The following TPM2 variants were observed in gnomAD, a reference collection of about 807,000 sequenced individuals.
TPM2 encodes the protein tropomyosin beta chain.
A neutral mutation model predicts 41.0 loss-of-function variants in TPM2; 26 were observed. The observed-to-expected ratio is 0.63, with a 90% confidence interval of 0.46 to 0.88. The LOEUF (loss-of-function observed/expected upper bound fraction) is 0.88, where lower values mean the gene tolerates loss of function less well. TPM2 is among the 40% of genes least tolerant of loss of function. The pLI is 0.00. For synonymous variants in TPM2, 143 were observed against 139.3 expected (o/e 1.03, Z -0.19); for missense variants, 187 against 355.2 (o/e 0.53, Z 3.81).
chr9:35,689,187 C>A lies in TPM2; in HGVS notation c.199G>T (p.Ala67Ser). 1 of 1,614,204 alleles carries A rather than the reference C, an allele frequency of 6.2e-7. No homozygotes were observed. The highest frequency in any genetic ancestry group is 8.5e-7 in the Non-Finnish European group (1 of 1,180,042). ...TCGGCCTGCTCCAGTTTCTCCTGGG[C>A]CTCCTTCACGGATTCAGAATACTTT... is the stretch of plus-strand genomic sequence containing the variant. ...VEKYSESVKE[A>S]QEKLEQAEKK... is the part of the protein sequence containing the mutation. The change falls in exon 2 of 9, where the codon GCC becomes TCC. Residue 67 changes from alanine (A) to serine (S), a missense_variant. By Grantham distance (99) the Ala-to-Ser change is moderately conservative. Transcript: ENST00000645482.
chr9:35,682,297 C>G, downstream of TPM2: 1 of 1,075,618 alleles, frequency 9.3e-7, no homozygotes, highest in Non-Finnish European at 1.4e-6. Flanking sequence ...CCTCAGGGCC[C>G]CTTGGCAGGG....
chr9:35,685,823 T>C lies in TPM2; in HGVS notation c.241-43A>G, dbSNP rs1426440265. On this transcript the variant is annotated intron_variant, in intron 2 of 8. Coordinates refer to ENST00000645482, the MANE Select transcript of TPM2 (RefSeq NM_003289.4). This position sits in a 1 kb window ranked among gnomAD's most constrained non-coding sequence, Gnocchi z 5.0. ...GGGGTCAAAAAGGCCTTGTTAGCCT[T>C]GGATAAGGATCAGAGAGGCTCCAGA... 8.1e-6 allele frequency: 13 copies of C among 1,613,356 alleles called. No individual in the cohort carries two copies. The South Asian group carries it at 1.4e-4, about 18-fold the overall frequency.
Position 35,685,395 on chromosome 9 carries a change from A to T in TPM2, c.492+39T>A, listed in dbSNP as rs1372273691. 5 of 1,613,942 alleles carry T rather than the reference A, an allele frequency of 3.1e-6. No individual in the cohort carries two copies. The highest frequency in any genetic ancestry group is 4.2e-6 in the Non-Finnish European group (5 of 1,179,934). On this transcript the variant is annotated intron_variant, in intron 4 of 8. Coordinates refer to ENST00000645482, the MANE Select transcript of TPM2 (RefSeq NM_003289.4). This position sits in a 1 kb window ranked among gnomAD's most constrained non-coding sequence, Gnocchi z 5.0. ...AGTGGAGAAGGACTGGGCATGTTGC[A>T]GGCTGGGCAGCGAGCAGGCAGAGGG...
At chr9:35,682,646 C>G (rs965878371), downstream of TPM2, 34 of 1,309,232 alleles carry the variant, frequency 2.6e-5, no homozygotes, top group Non-Finnish European at 7.0e-6. Flanking sequence ...TTTCCAGTCA[C>G]TCTGTTTGAT....
chr9:35,682,024 AT>A (rs1824592984), downstream of TPM2: 5 of 1,573,632 alleles, frequency 3.2e-6, no homozygotes, highest in Non-Finnish European at 4.4e-6. Flanking sequence ...GGCTAGTAAC[AT>A]CAGTTTTATT....
intron 2 of TPM2, among the ~76,000 whole-genome samples, chr9:35,687,485 C>T (rs186679444): frequency 6.6e-6 from 1 of 152,006 alleles, no homozygotes; most frequent in Admixed American, 6.5e-5. Context: ...GGGCTGGGGG[C>T]AGCACTTGGA....
rs1345121355 is a variant in TPM2 at position 35,686,017 on chromosome 9, G to A, written c.241-237C>T. On this transcript the variant is annotated intron_variant, in intron 2 of 8. Coordinates refer to ENST00000645482, the MANE Select transcript of TPM2 (RefSeq NM_003289.4). ...TGTAATCCCCGCACTCTGGGAGGCC[G>A]AGGCGGGTGGATCACCTGAGGTGAG... Among the ~76,000 whole-genome samples, 8 of 152,192 alleles carry A rather than the reference G, an allele frequency of 5.3e-5. No homozygotes were observed. In the South Asian group the frequency reaches 6.2e-4, roughly 12 times the overall value.
At chr9:35,682,383 AGGTGG>A, downstream of TPM2, 1 of 1,028,578 alleles carries the variant, frequency 9.7e-7, no homozygotes, top group Non-Finnish European at 1.4e-6. Flanking sequence ...GGGGTCATAG[AGGTGG>A]GGTGGGGAGG....
In TPM2 at chr9:35,689,885, C is replaced by T. The variant is rs1825159638; in HGVS notation, c.-68G>A. The T allele has an allele frequency of 1.2e-6, 2 of 1,609,244 alleles. No homozygotes were observed. The highest frequency in any genetic ancestry group is 8.5e-7 in the Non-Finnish European group (1 of 1,178,546). ...GGACGGACTGGGCTGGGTGAGCGGA[C>T]TGGGTGCACCGGTGGCAGGCGAGGA... On this transcript the variant is annotated 5_prime_UTR_variant, in exon 1 of 9. Coordinates refer to ENST00000645482, the MANE Select transcript of TPM2 (RefSeq NM_003289.4).
Position 35,685,882 on chromosome 9 carries a change from C to A in TPM2, c.241-102G>T. ...AGATTCTTCTCAGAAAGAACTGAGG[C>A]TTCCTGGTTTCTAGACATTCTATGT... On this transcript the variant is annotated intron_variant, in intron 2 of 8. Transcript: ENST00000645482. This position sits in a 1 kb window ranked among gnomAD's most constrained non-coding sequence, Gnocchi z 5.0. 1 of 1,575,178 alleles carries A rather than the reference C, an allele frequency of 6.3e-7. No individual in the cohort carries two copies. Among genetic ancestry groups the A allele is most frequent in the Non-Finnish European group, 8.7e-7 (1 of 1,149,124 alleles).
At chr9:35,684,675 C>A in intron 6 of TPM2, 57 bp downstream of exon 6, 2 of 1,609,668 alleles carry the variant, frequency 1.2e-6, no homozygotes, top group East Asian at 4.5e-5. Flanking sequence ...TGCCTTGGGC[C>A]CCTCACCTCC....
chr9:35,688,305 A>G (rs1825054071), intron 2 of TPM2, among the ~76,000 whole-genome samples: 1 of 152,176 alleles, frequency 6.6e-6, no homozygotes, highest in Non-Finnish European at 1.5e-5. Context: ...TGATGTTCAG[A>G]CCATGCTTTA....
At chr9:35,682,284 G>T, downstream of TPM2, 1 of 1,118,100 alleles carries the variant, frequency 8.9e-7, no homozygotes, top group Non-Finnish European at 1.3e-6. Context: ...ATGCATTCAC[G>T]GACCTCAGGG....
At chr9:35,684,444 A>C in intron 7 of TPM2, 44 bp downstream of exon 7, 1 of 1,613,490 alleles carries the variant, frequency 6.2e-7, no homozygotes, top group Non-Finnish European at 8.5e-7. Context: ...GGCAAGGATT[A>C]GGGTGGCTTG....
intron 5 of TPM2, 113 bp from the exon 6 acceptor site, chr9:35,684,920 AG>A: frequency 6.2e-7 from 1 of 1,610,292 alleles, no homozygotes; most frequent in South Asian, 1.1e-5. Context: ...CAAAGTTGTG[AG>A]AGTGACAGCA....
chr9:35,686,308 G>C (rs1162689268), intron 2 of TPM2: 2 of 248,564 alleles, frequency 8.0e-6, no homozygotes, highest in Non-Finnish European at 1.6e-5. Flanking sequence ...CCCTGCTGCA[G>C]GGCCTCTCCT....
At chr9:35,687,873 G>A (rs1462037036) in intron 2 of TPM2, among the ~76,000 whole-genome samples, 3 of 152,090 alleles carry the variant, frequency 2.0e-5, no homozygotes, top group Admixed American at 6.6e-5. Context: ...TTACGGGGGC[G>A]GCTCTCTAAC....
Position 35,685,887 on chromosome 9 carries a change from T to C in TPM2, c.241-107A>G. On this transcript the variant is annotated intron_variant, in intron 2 of 8. Coordinates refer to ENST00000645482, the MANE Select transcript of TPM2 (RefSeq NM_003289.4). The surrounding 1 kb of genome is among the most constrained non-coding windows in gnomAD (Gnocchi z 5.0). ...CTTCTCAGAAAGAACTGAGGCTTCC[T>C]GGTTTCTAGACATTCTATGTGATTT... is the stretch of plus-strand genomic sequence containing the variant. 6.4e-7 allele frequency: 1 copy of C among 1,563,916 alleles called. No homozygotes were observed. Among genetic ancestry groups the C allele is most frequent in the Admixed American group, 1.7e-5 (1 of 58,136 alleles).
In TPM2 at chr9:35,683,109, T is replaced by C. The variant is rs1246736432; in HGVS notation, c.*50A>G. On this transcript the variant is annotated 3_prime_UTR_variant, in exon 9 of 9. Coordinates refer to ENST00000645482, the MANE Select transcript of TPM2 (RefSeq NM_003289.4). ...CCTGCTCCCCTCCCCATAGAGAGAA[T>C]GGAAAGGAGAGGAGAGAAGAGAGCT... is the stretch of plus-strand genomic sequence containing the variant. The C allele has an allele frequency of 5.2e-6, 8 of 1,551,282 alleles. No individual in the cohort carries two copies. Among genetic ancestry groups the C allele is most frequent in the Admixed American group, 2.0e-5 (1 of 50,956 alleles).
Sources: gnomAD v4.1 joint callset for allele counts (sites outside exome capture counted in the v4.1 genomes callset) on GRCh38, gnomAD v4.1.1 for gene constraint, Gnocchi (gnomAD v3.1) non-coding constraint, MANE v1.5 for transcripts, NCBI Gene and HGNC (gene_info 2026-07-23, HGNC 2026-07-21) for gene names.